DENND1A: variants seen among roughly 807,000 people sequenced by gnomAD.
DENND1A encodes the protein DENN domain containing 1A.
A neutral mutation model predicts 113.7 loss-of-function variants in DENND1A; 51 were observed. The ratio of observed to expected loss-of-function variants is 0.45; its 90% confidence interval spans 0.36 to 0.57. The LOEUF (loss-of-function observed/expected upper bound fraction) is 0.57. DENND1A is among the 20% of genes least tolerant of loss of function. The pLI, the probability that DENND1A is intolerant of heterozygous loss-of-function variation, is 0.00. For synonymous variants in DENND1A, 565 were observed against 570.8 expected (o/e 0.99, Z 0.14); for missense variants, 1,258 against 1,395.9 (o/e 0.90, Z 1.57).
chr9:123,857,773 A>G (rs900775167), intron 2 of DENND1A, among the ~76,000 whole-genome samples: 1 of 152,152 alleles, frequency 6.6e-6, no homozygotes, highest in Admixed American at 6.6e-5. Context: ...AAGAAACATT[A>G]AACTGGCCAG....
chr9:123,469,327 C>T (rs1225907987), intron 13 of DENND1A, among the ~76,000 whole-genome samples: 1 of 152,210 alleles, frequency 6.6e-6, no homozygotes, highest in Non-Finnish European at 1.5e-5. Context: ...GGGTGTCAGC[C>T]CAGAGCTACT....
At chr9:123,614,920 C>T (rs910232250) in intron 10 of DENND1A, among the ~76,000 whole-genome samples, 2 of 152,134 alleles carry the variant, frequency 1.3e-5, no homozygotes, top group African/African-American at 4.8e-5. Context: ...AAGACACAAA[C>T]GTGTAAACAC....
At position 123,479,636 on chromosome 9, in the gene DENND1A, G is replaced by A. The variant is rs76774898; in HGVS notation, c.994-21739C>T. ...ACACGTAGGGACTGGTTAGTTGGGC[G>A]GAAAGAGAAGTGGCCCCAAGAGAGC... On this transcript the variant is annotated intron_variant, in intron 13 of 23. Transcript: ENST00000394215. Among the ~76,000 whole-genome samples the A allele has an allele frequency of 4.1e-4, 62 of 152,318 alleles. No homozygotes were observed. The East Asian group carries it at 0.01, about 26-fold the overall frequency.
intron 5 of DENND1A, among the ~76,000 whole-genome samples, chr9:123,680,111 T>C: frequency 6.6e-6 from 1 of 152,194 alleles, no homozygotes; most frequent in East Asian, 1.9e-4. Flanking sequence ...TAGTTTAGGC[T>C]TTCGGACTGA....
At chr9:123,632,207 T>C (rs999596867) in intron 9 of DENND1A, among the ~76,000 whole-genome samples, 4 of 149,762 alleles carry the variant, frequency 2.7e-5, no homozygotes, top group African/African-American at 9.8e-5. Flanking sequence ...CCACCTGCCC[T>C]GACTCTTTCC....
chr9:123,570,930 C>T (rs111733241), intron 12 of DENND1A, among the ~76,000 whole-genome samples: 3 of 152,216 alleles, frequency 2.0e-5, no homozygotes, highest in African/African-American at 7.2e-5. Flanking sequence ...GTAAACACGC[C>T]TTTAGATCTA....
At chr9:123,608,333 C>A (rs1231754201) in intron 11 of DENND1A, among the ~76,000 whole-genome samples, 1 of 152,154 alleles carries the variant, frequency 6.6e-6, no homozygotes, top group Non-Finnish European at 1.5e-5. Context: ...AGCAGGTGGT[C>A]CTCGTCGACG....
chr9:123,511,161 G>A (rs2053427627), intron 13 of DENND1A, among the ~76,000 whole-genome samples: 1 of 152,174 alleles, frequency 6.6e-6, no homozygotes, highest in East Asian at 1.9e-4. Flanking sequence ...TCCCTCTCTG[G>A]GTAGGGACTT....
intron 8 of DENND1A, among the ~76,000 whole-genome samples, chr9:123,663,229 G>T (rs1177443037): frequency 6.6e-6 from 1 of 152,184 alleles, no homozygotes; most frequent in East Asian, 1.9e-4. Context: ...TGCTAAACAA[G>T]TATGAATAGA....
At chr9:123,464,553 A>G (rs73575559) in intron 13 of DENND1A, among the ~76,000 whole-genome samples, 35 of 152,316 alleles carry the variant, frequency 2.3e-4, no homozygotes, top group African/African-American at 7.7e-4. Context: ...AGAGACAGAA[A>G]GAATGGTGCT....
chr9:123,871,132 A>G (rs1375947869), intron 2 of DENND1A, among the ~76,000 whole-genome samples: 2 of 152,166 alleles, frequency 1.3e-5, no homozygotes, highest in African/African-American at 2.4e-5. Context: ...TGCCTGGGCT[A>G]TAGTGCAGTG....
chr9:123,536,100 C>T lies in DENND1A; in HGVS notation c.993+21470G>A, dbSNP rs1337608632. 3.3e-5 allele frequency among the ~76,000 whole-genome samples: 5 copies of T among 152,120 alleles called. No individual in the cohort carries two copies. The South Asian group carries it at 1.0e-3, about 32-fold the overall frequency. On this transcript the variant is annotated intron_variant, in intron 13 of 23. Transcript: ENST00000394215. ...ACAAAACCAGGTGAACAATGAACCC[C>T]CAAATGCAAGCAGGCAAGTACAAAC...
Position 123,637,933 on chromosome 9 carries a change from GCA to G in DENND1A, c.619-7459_619-7458del, listed in dbSNP as rs1185018176. Among the ~76,000 whole-genome samples, 884 of 73,796 alleles carry G rather than the reference GCA, an allele frequency of 0.012. 29 individuals are homozygous for G. The East Asian group carries it at 0.18, about 15-fold the overall frequency. The allele number at this position is 73,796 out of a possible 152,430, so 48.4% of individuals were successfully genotyped here. Reference sequence around the variant, plus strand: ...TAAACACACACACACACACACACACGCACACACACACACACACGCGCACACAC... The same window carrying G: ...TAAACACACACACACACACACACACGCACACACACACACACGCGCACACAC... On this transcript the variant is annotated intron_variant, in intron 9 of 23. Coordinates refer to ENST00000394215, the MANE Select transcript of DENND1A (RefSeq NM_001352964.2).
intron 5 of DENND1A, among the ~76,000 whole-genome samples, chr9:123,737,065 G>A (rs1200869293): frequency 6.6e-6 from 1 of 152,202 alleles, no homozygotes; most frequent in Non-Finnish European, 1.5e-5. Flanking sequence ...GTGAGCTAAT[G>A]GAGAATAGGA....
At position 123,631,337 on chromosome 9, in the gene DENND1A, A is replaced by C. The variant is rs959771728; in HGVS notation, c.619-861T>G. 3.3e-5 allele frequency among the ~76,000 whole-genome samples: 5 copies of C among 152,266 alleles called. No homozygotes were observed. In the East Asian group the frequency reaches 7.7e-4, roughly 23 times the overall value. On this transcript the variant is annotated intron_variant, in intron 9 of 23. Transcript: ENST00000394215. ...TGAACATTTTGTCATATGTTTCTTC[A>C]CTATATTTATATAATAGACAAATGG...
chr9:123,387,599 A>G, intron 22 of DENND1A, 131 bp downstream of exon 22: 13 of 1,063,278 alleles, frequency 1.2e-5, no homozygotes, highest in Non-Finnish European at 1.6e-5. Flanking sequence ...GCACTGGGGC[A>G]CCGGCAGGCA....
intron 11 of DENND1A, among the ~76,000 whole-genome samples, chr9:123,589,928 G>A (rs974572206): frequency 1.3e-5 from 2 of 152,226 alleles, no homozygotes; most frequent in African/African-American, 4.8e-5. Context: ...GGGGCTTACT[G>A]TAGGCAACTG....
intron 5 of DENND1A, among the ~76,000 whole-genome samples, chr9:123,716,856 T>C (rs1358252833): frequency 6.6e-6 from 1 of 152,136 alleles, no homozygotes; most frequent in African/African-American, 2.4e-5. Context: ...GGGGAGTAAA[T>C]TTTTATTTAA....
At chr9:123,628,262 T>G (rs572659716) in intron 10 of DENND1A, among the ~76,000 whole-genome samples, 1 of 151,496 alleles carries the variant, frequency 6.6e-6, no homozygotes, top group African/African-American at 2.4e-5. Context: ...GGGAAGGAGA[T>G]GTGGACATCT....
Sources: gnomAD v4.1 joint callset for allele counts (sites outside exome capture counted in the v4.1 genomes callset) on GRCh38, gnomAD v4.1.1 for gene constraint, MANE v1.5 for transcripts, NCBI Gene and HGNC (gene_info 2026-07-23, HGNC 2026-07-21) for gene names.